The following DLG1 variants were observed in gnomAD, a reference collection of about 807,000 sequenced individuals.
The protein encoded by DLG1 is discs large MAGUK scaffold protein 1.
A neutral mutation model predicts 123.4 loss-of-function variants in DLG1; 42 were observed. The observed-to-expected ratio is 0.34, with a 90% CI of 0.27 to 0.44. DLG1 has a LOEUF of 0.44. Ranked by LOEUF, DLG1 falls within the 20% of genes least tolerant of loss-of-function variation. The pLI is 1.00. For synonymous variants in DLG1, 317 were observed against 356.2 expected (o/e 0.89, Z 1.24); for missense variants, 942 against 1,082.6 (o/e 0.87, Z 1.82).
In DLG1 at chr3:197,146,694, TTTTAGAAGATAACA is replaced by T. The variant is rs202242162; in HGVS notation, c.537+3035_537+3048del. 9.7e-3 allele frequency among the ~76,000 whole-genome samples: 1,476 copies of T among 152,242 alleles called. 17 individuals are homozygous for T. The highest frequency in any genetic ancestry group is 0.023 in the African/African-American group (956 of 41,552). On this transcript the variant is annotated intron_variant, in intron 6 of 24. Transcript: ENST00000667157. ...AATCTAAGACCTGAAACCATTAAAA[TTTTAGAAGATAACA>T]TCAGAAAACCCTTCTAAACATTGGC...
intron 5 of DLG1, among the ~76,000 whole-genome samples, chr3:197,193,737 T>C (rs1720898429): frequency 6.6e-6 from 1 of 152,032 alleles, no homozygotes; most frequent in Non-Finnish European, 1.5e-5. Context: ...AGGGTAAATA[T>C]ACTCAGGATT....
intron 4 of DLG1, among the ~76,000 whole-genome samples, chr3:197,262,028 G>C (rs1166462194): frequency 6.6e-6 from 1 of 152,192 alleles, no homozygotes; most frequent in Non-Finnish European, 1.5e-5. Context: ...TTCTGTCAGA[G>C]TGCCTAAAAC....
chr3:197,191,061 C>A (rs912183189), intron 5 of DLG1, among the ~76,000 whole-genome samples: 3 of 151,990 alleles, frequency 2.0e-5, no homozygotes, highest in African/African-American at 7.3e-5. Flanking sequence ...TCATATTAAT[C>A]TTTGATTTAC....
chr3:197,083,737 C>T (rs546816271), intron 16 of DLG1, among the ~76,000 whole-genome samples: 4 of 152,096 alleles, frequency 2.6e-5, no homozygotes, highest in Admixed American at 2.6e-4. Context: ...GTGAGAAAAT[C>T]GCTTGAAGCC....
chr3:197,107,604 C>T (rs1767301747), intron 13 of DLG1, among the ~76,000 whole-genome samples: 1 of 151,584 alleles, frequency 6.6e-6, no homozygotes. Context: ...TTTTGTTGAT[C>T]CATGTCCTTA....
At chr3:197,127,272 A>G (rs1010960283) in intron 11 of DLG1, among the ~76,000 whole-genome samples, 1 of 150,466 alleles carries the variant, frequency 6.6e-6, no homozygotes, top group Non-Finnish European at 1.5e-5. Flanking sequence ...AAAATACAAA[A>G]GTTAGCCAGT....
intron 15 of DLG1, among the ~76,000 whole-genome samples, chr3:197,090,392 A>G (rs1006799120): frequency 3.3e-4 from 50 of 152,054 alleles, no homozygotes; most frequent in Admixed American, 1.7e-3. Flanking sequence ...TTTATATATT[A>G]TAGGAAAATA....
intron 5 of DLG1, among the ~76,000 whole-genome samples, chr3:197,156,235 A>G (rs921208724): frequency 7.9e-5 from 12 of 152,202 alleles, no homozygotes; most frequent in Non-Finnish European, 1.6e-4. Context: ...GCTTGTACAA[A>G]TTGAGATTAG....
chr3:197,180,198 T>C (rs903210890), intron 5 of DLG1, among the ~76,000 whole-genome samples: 1 of 152,010 alleles, frequency 6.6e-6, no homozygotes, highest in Admixed American at 6.6e-5. Flanking sequence ...TTAAAGTTCA[T>C]ATGATTACTA....
chr3:197,112,198 C>T (rs955516911), intron 13 of DLG1, among the ~76,000 whole-genome samples: 2 of 152,140 alleles, frequency 1.3e-5, no homozygotes, highest in African/African-American at 4.8e-5. Flanking sequence ...TATTTCATTA[C>T]GACTTCAAGA....
chr3:197,098,015 A>T (rs1359078099), intron 14 of DLG1, among the ~76,000 whole-genome samples: 1 of 151,892 alleles, frequency 6.6e-6, no homozygotes, highest in African/African-American at 2.4e-5. Flanking sequence ...ATTTATTTGT[A>T]TTTCTGTATA....
intron 1 of DLG1, chr3:197,298,020 C>G (rs1429316190): frequency 5.0e-5 from 39 of 780,926 alleles, no homozygotes; most frequent in Middle Eastern, 6.5e-4. Context: ...TCGCCGCGGC[C>G]CCCCGGCCCG....
intron 5 of DLG1, among the ~76,000 whole-genome samples, chr3:197,155,293 GA>G (rs1476626834): frequency 2.6e-5 from 4 of 151,938 alleles, no homozygotes; most frequent in Non-Finnish European, 4.4e-5. Flanking sequence ...AAAATAAGAC[GA>G]AAAAAACCCA....
At chr3:197,091,156 G>A (rs561978992) in intron 14 of DLG1, 130 bp from the exon 15 acceptor site, 9 of 525,184 alleles carry the variant, frequency 1.7e-5, no homozygotes, top group African/African-American at 3.8e-5. Context: ...AGTAATATGC[G>A]AAAGATTTTG....
At chr3:197,296,606 G>T in intron 2 of DLG1, 129 bp from the exon 3 acceptor site, 1 of 737,662 alleles carries the variant, frequency 1.4e-6, no homozygotes, top group Non-Finnish European at 2.2e-6. Context: ...ATGTCACTAT[G>T]TTCATGTACA....
chr3:197,170,703 T>C lies in DLG1; in HGVS notation c.484-20907A>G, dbSNP rs963464936. ...TCTGTAGGTTATCTGTTCACTCTGTTGACAGCTTCCTTTGCTGTGCAGAAG... is the reference window on the plus strand; with the variant it reads ...TCTGTAGGTTATCTGTTCACTCTGTCGACAGCTTCCTTTGCTGTGCAGAAG... On this transcript the variant is annotated intron_variant, in intron 5 of 24. Coordinates refer to ENST00000667157, the MANE Select transcript of DLG1 (RefSeq NM_001366207.1). Among the ~76,000 whole-genome samples, 5 of 152,344 alleles carry C rather than the reference T, an allele frequency of 3.3e-5. 1 individual carries two copies. In the Middle Eastern group the frequency reaches 0.01, roughly 311 times the overall value.
intron 5 of DLG1, among the ~76,000 whole-genome samples, chr3:197,182,866 A>G (rs963280861): frequency 6.6e-6 from 1 of 152,090 alleles, no homozygotes; most frequent in African/African-American, 2.4e-5. Context: ...ACAATAGCTC[A>G]TTTCCTCAAA....
intron 1 of DLG1, chr3:197,298,036 C>T: frequency 1.3e-5 from 8 of 612,920 alleles, no homozygotes; most frequent in Non-Finnish European, 1.6e-5. Context: ...GCCCGCTCGC[C>T]CAGTTGCTGC....
At position 197,159,640 on chromosome 3, in the gene DLG1, C is replaced by T. The variant is rs141074214; in HGVS notation, c.484-9844G>A. ...ATGTATTTTAAATTTTACTTGGGGA[C>T]GGATATTTTAGTCCATTATTTTAAT... On this transcript the variant is annotated intron_variant, in intron 5 of 24. Transcript: ENST00000667157. Among the ~76,000 whole-genome samples, 45 of 152,140 alleles carry T rather than the reference C, an allele frequency of 3.0e-4. No homozygotes were observed. The East Asian group carries it at 6.8e-3, about 23-fold the overall frequency.
Sources: allele counts gnomAD v4.1 joint callset (sites outside exome capture counted in the v4.1 genomes callset), GRCh38; gene constraint gnomAD v4.1.1; transcripts MANE v1.5; gene names NCBI Gene and HGNC (gene_info 2026-07-23, HGNC 2026-07-21).